MTHFD1L: variants seen among roughly 807,000 people sequenced by gnomAD.
MTHFD1L encodes monofunctional C1-tetrahydrofolate synthase, mitochondrial.
MTHFD1L carries 81 observed loss-of-function variants against 119.5 expected under a neutral mutation model. The ratio of observed to expected loss-of-function variants is 0.68; its 90% CI spans 0.57 to 0.82. The LOEUF (loss-of-function observed/expected upper bound fraction) is 0.82, where lower values mean the gene tolerates loss of function less well. Ranked by LOEUF, MTHFD1L falls within the 40% of genes least tolerant of loss-of-function variation. The pLI is 0.00. For synonymous variants in MTHFD1L, 430 were observed against 475.2 expected (o/e 0.90, Z 1.24); for missense variants, 1,125 against 1,253.4 (o/e 0.90, Z 1.55).
chr6:150,865,815 C>T lies in MTHFD1L; in HGVS notation c.-8C>T. Reference sequence around the variant, plus strand: ...TCCGTGTCCCCTGAGAACCAGCCGTCCCGCGCCATGGGCACGCGTCTGCCG... The same window carrying T: ...TCCGTGTCCCCTGAGAACCAGCCGTTCCGCGCCATGGGCACGCGTCTGCCG... On this transcript the variant is annotated 5_prime_UTR_variant, in exon 1 of 28. Coordinates refer to ENST00000367321, the MANE Select transcript of MTHFD1L (RefSeq NM_015440.5). 2 of 1,287,708 alleles carry T rather than the reference C, an allele frequency of 1.6e-6. No individual in the cohort carries two copies. Among genetic ancestry groups the T allele is most frequent in the Non-Finnish European group, 9.9e-7 (1 of 1,009,676 alleles). 79.8% of individuals were successfully genotyped at this position (1,287,708 alleles called of 1,614,324 possible). A position where few individuals can be genotyped will look rare whatever the true frequency, so the allele number is the denominator to read the frequency against.
intron 5 of MTHFD1L, among the ~76,000 whole-genome samples, chr6:150,884,877 C>G (rs1248227214): frequency 5.3e-5 from 8 of 152,070 alleles, no homozygotes; most frequent in African/African-American, 1.9e-4. Flanking sequence ...TGAAATCAGA[C>G]CTGTGACCTG....
chr6:151,008,747 G>A (rs1275418966), intron 20 of MTHFD1L, among the ~76,000 whole-genome samples: 1 of 152,150 alleles, frequency 6.6e-6, no homozygotes, highest in Non-Finnish European at 1.5e-5. Context: ...GTATCCTTAT[G>A]CCCTTCAACT....
rs528631497 is a variant in MTHFD1L at position 150,878,961 on chromosome 6, T to C, written c.417+1135T>C. On this transcript the variant is annotated intron_variant, in intron 4 of 27. Transcript: ENST00000367321. Reference sequence around the variant, plus strand: ...GACAAAGACAGGCCCCTGCTGTCTTTAAAGACATTTCCTGAAAGTCACAGT... The same window carrying C: ...GACAAAGACAGGCCCCTGCTGTCTTCAAAGACATTTCCTGAAAGTCACAGT... 6.6e-5 allele frequency among the ~76,000 whole-genome samples: 10 copies of C among 152,296 alleles called. No homozygotes were observed. In the South Asian group the frequency reaches 2.1e-3, roughly 32 times the overall value.
Position 150,926,109 on chromosome 6 carries a change from T to C in MTHFD1L, c.1083-13T>C. 6.2e-7 allele frequency: 1 copy of C among 1,610,292 alleles called. No individual in the cohort carries two copies. Among genetic ancestry groups the C allele is most frequent in the Non-Finnish European group, 8.5e-7 (1 of 1,177,160 alleles). On this transcript the variant is annotated splice_polypyrimidine_tract_variant and intron_variant, in intron 10 of 27. Coordinates refer to ENST00000367321, the MANE Select transcript of MTHFD1L (RefSeq NM_015440.5). This position sits in a 1 kb window ranked among gnomAD's most constrained non-coding sequence, Gnocchi z 4.3. ...GAAGCCTTTTCTCTCTTTCGTATTG[T>C]CTTTCCCCTCAGTGACATTGAGATT...
At chr6:150,966,691 T>A (rs1797262655) in intron 19 of MTHFD1L, among the ~76,000 whole-genome samples, 1 of 152,158 alleles carries the variant, frequency 6.6e-6, no homozygotes, top group South Asian at 2.1e-4. Flanking sequence ...CTGGGCATGG[T>A]GGCACGTGCC....
chr6:150,975,369 CG>C (rs1191978464), intron 20 of MTHFD1L, among the ~76,000 whole-genome samples: 4 of 152,108 alleles, frequency 2.6e-5, no homozygotes, highest in African/African-American at 9.7e-5. Context: ...ACAGTGGGAA[CG>C]GGGTGTGGTC....
chr6:150,968,666 C>T lies in MTHFD1L; in HGVS notation c.2014-3281C>T, dbSNP rs532563878. On this transcript the variant is annotated intron_variant, in intron 19 of 27. Coordinates refer to ENST00000367321, the MANE Select transcript of MTHFD1L (RefSeq NM_015440.5). ...CTGGGATTATAGGCGCCTGCCACCA[C>T]ACCCGGCTAATTTTTGTATTTTTTT... Among the ~76,000 whole-genome samples, 201 of 150,520 alleles carry T rather than the reference C, an allele frequency of 1.3e-3. 1 individual carries two copies. The highest frequency in any genetic ancestry group is 2.5e-4 in the Non-Finnish European group (17 of 67,682).
Position 151,037,037 on chromosome 6 carries a change from G to A in MTHFD1L, c.2767G>A (p.Val923Met). Reference protein sequence around the residue: ...SLSHQPDKKGVPRDFILPISD... With the variant: ...SLSHQPDKKGMPRDFILPISD... ...ATCTCACCAACCTGACAAAAAAGGT[G>A]TGCCAAGGGACTTCATCTTACCTAT... Residue 923 changes from valine to methionine, a missense_variant, in exon 26 of 28, where the codon GTG (valine) becomes ATG (methionine). Val to Met is a conservative substitution (Grantham distance 21). Transcript: ENST00000367321. 1.2e-6 allele frequency: 2 copies of A among 1,612,022 alleles called. No individual in the cohort carries two copies. Among genetic ancestry groups the A allele is most frequent in the Non-Finnish European group, 1.7e-6 (2 of 1,179,864 alleles).
chr6:151,058,413 G>T (rs537150961), intron 26 of MTHFD1L, among the ~76,000 whole-genome samples: 1 of 152,200 alleles, frequency 6.6e-6, no homozygotes, highest in African/African-American at 2.4e-5. Flanking sequence ...TCAGAAAGCT[G>T]TGGGTACACT....
chr6:151,009,969 A>C lies in MTHFD1L; in HGVS notation c.2265+11A>C. ...GGAGGCGGGCCAAGTGTAAGTGCCC[A>C]CACCGCCTTCCTAATACCAAAGAAA... On this transcript the variant is annotated intron_variant, in intron 21 of 27. Coordinates refer to ENST00000367321, the MANE Select transcript of MTHFD1L (RefSeq NM_015440.5). 1 of 1,587,804 alleles carries C rather than the reference A, an allele frequency of 6.3e-7. No homozygotes were observed. Among genetic ancestry groups the C allele is most frequent in the Non-Finnish European group, 8.5e-7 (1 of 1,170,972 alleles).
chr6:151,038,418 G>T (rs1584261694), intron 26 of MTHFD1L, among the ~76,000 whole-genome samples: 1 of 152,058 alleles, frequency 6.6e-6, no homozygotes, highest in Non-Finnish European at 1.5e-5. Context: ...ATGAGGGGGG[G>T]TGGCTGGGGA....
At chr6:150,944,932 A>T (rs1252352089) in intron 14 of MTHFD1L, among the ~76,000 whole-genome samples, 1 of 152,180 alleles carries the variant, frequency 6.6e-6, no homozygotes, top group Non-Finnish European at 1.5e-5. Context: ...TTCTAAGGGG[A>T]TTGGACAGAT....
At chr6:150,965,271 C>A (rs1347429457) in intron 19 of MTHFD1L, among the ~76,000 whole-genome samples, 2 of 151,874 alleles carry the variant, frequency 1.3e-5, no homozygotes, top group Non-Finnish European at 2.9e-5. Flanking sequence ...AGAATAACTT[C>A]TTGGCCAACC....
At chr6:150,908,739 A>G (rs1393027736) in intron 8 of MTHFD1L, among the ~76,000 whole-genome samples, 3 of 152,118 alleles carry the variant, frequency 2.0e-5, no homozygotes, top group Admixed American at 1.3e-4. Context: ...GGTGCTACCC[A>G]TAATAGCACA....
At position 151,055,535 on chromosome 6, in the gene MTHFD1L, T is replaced by G. The variant is rs569780758; in HGVS notation, c.2847+18418T>G. Among the ~76,000 whole-genome samples the G allele has an allele frequency of 9.9e-5, 15 of 151,144 alleles. No homozygotes were observed. In the South Asian group the frequency reaches 1.5e-3, roughly 15 times the overall value. ...TTGTGCTGAATCTTTTTTTTTTTTT[T>G]TTGTTTTTGGAGATGGAGTTTTGCT... is the stretch of plus-strand genomic sequence containing the variant. On this transcript the variant is annotated intron_variant, in intron 26 of 27. Coordinates refer to ENST00000367321, the MANE Select transcript of MTHFD1L (RefSeq NM_015440.5).
chr6:150,874,491 G>A (rs1431324399), intron 1 of MTHFD1L, among the ~76,000 whole-genome samples: 2 of 152,230 alleles, frequency 1.3e-5, no homozygotes, highest in Admixed American at 6.5e-5. Context: ...GCTCTTGGCA[G>A]TGTACCGTTG....
At chr6:151,090,132 C>G (rs1359387838) in intron 26 of MTHFD1L, among the ~76,000 whole-genome samples, 2 of 152,208 alleles carry the variant, frequency 1.3e-5, no homozygotes, top group African/African-American at 4.8e-5. Context: ...CCCCCAGCCT[C>G]CCCACTCCCA....
intron 20 of MTHFD1L, among the ~76,000 whole-genome samples, chr6:151,001,192 C>G (rs1780568436): frequency 6.6e-6 from 1 of 152,138 alleles, no homozygotes; most frequent in African/African-American, 2.4e-5. Flanking sequence ...ATGTTTGTTG[C>G]ACACATGGAG....
intron 26 of MTHFD1L, among the ~76,000 whole-genome samples, chr6:151,084,370 G>A (rs1028477868): frequency 6.6e-6 from 1 of 152,152 alleles, no homozygotes; most frequent in Non-Finnish European, 1.5e-5. Context: ...CGTGTCTTCC[G>A]GGCACCGGAG....
Sources: allele counts gnomAD v4.1 joint callset (sites outside exome capture counted in the v4.1 genomes callset), GRCh38; gene constraint gnomAD v4.1.1; non-coding constraint Gnocchi (gnomAD v3.1); transcripts MANE v1.5; gene names NCBI Gene and HGNC (gene_info 2026-07-23, HGNC 2026-07-21).